The following SIPA1L3 variants were observed in gnomAD, a reference collection of about 807,000 sequenced individuals.
The protein encoded by SIPA1L3 is signal induced proliferation associated 1 like 3, also known as signal-induced proliferation-associated 1-like protein 3.
Under a neutral mutation model 150.1 loss-of-function variants are expected in SIPA1L3, and 59 were observed. The observed-to-expected ratio is 0.39, with a 90% confidence interval of 0.32 to 0.49. SIPA1L3 has a LOEUF of 0.49. SIPA1L3 is among the 20% of genes least tolerant of loss of function. SIPA1L3 has a pLI of 0.86. For missense variants in SIPA1L3, 2,211 were observed against 2,489.5 expected, an observed-to-expected ratio of 0.89 and a Z score of 2.38; for synonymous variants, 1,070 against 1,077.6, an observed-to-expected ratio of 0.99 and a Z score of 0.14.
chr19:38,176,962 A>C (rs950913902), intron 15 of SIPA1L3, among the ~76,000 whole-genome samples: 2 of 150,206 alleles, frequency 1.3e-5, no homozygotes, highest in African/African-American at 4.9e-5. Flanking sequence ...CAAGAGTGAA[A>C]CTCCGTCTCA....
At position 38,137,185 on chromosome 19, in the gene SIPA1L3, T is replaced by TGTG. The variant is rs1345749744; in HGVS notation, c.3144-3997_3144-3996insGGT. On this transcript the variant is annotated intron_variant, in intron 10 of 21. Transcript: ENST00000222345. ...CCATGCTGCATGCTGCCTTCATTTTTGTTGTTGTTGTTGTTGTTTTTGAGA... is the reference window on the plus strand; with the variant it reads ...CCATGCTGCATGCTGCCTTCATTTTTGTGGTTGTTGTTGTTGTTGTTTTTGAGA... 3.9e-5 allele frequency among the ~76,000 whole-genome samples: 6 copies of TGTG among 151,996 alleles called. No individual in the cohort carries two copies. The South Asian group carries it at 1.3e-3, about 32-fold the overall frequency.
chr19:38,022,717 A>G (rs1392907720), intron 1 of SIPA1L3, among the ~76,000 whole-genome samples: 1 of 151,924 alleles, frequency 6.6e-6, no homozygotes, highest in African/African-American at 2.4e-5. Flanking sequence ...CAAGAAAAAA[A>G]TAAATAAATA....
chr19:37,962,611 G>A (rs906746818), intron 1 of SIPA1L3, among the ~76,000 whole-genome samples: 1 of 151,930 alleles, frequency 6.6e-6, no homozygotes, highest in Non-Finnish European at 1.5e-5. Flanking sequence ...TGGGACTATA[G>A]GCATGCAACA....
At chr19:37,919,787 C>T (rs568045121) in intron 1 of SIPA1L3, among the ~76,000 whole-genome samples, 44 of 148,364 alleles carry the variant, frequency 3.0e-4, no homozygotes, top group African/African-American at 1.0e-3. Context: ...CTCAGCTCAC[C>T]GCAACCTCTG....
At chr19:38,055,175 A>G (rs372482655) in intron 2 of SIPA1L3, among the ~76,000 whole-genome samples, 2 of 152,314 alleles carry the variant, frequency 1.3e-5, no homozygotes, top group South Asian at 4.1e-4. Flanking sequence ...TCAAGATTGC[A>G]ATCGGCTACA....
intron 1 of SIPA1L3, among the ~76,000 whole-genome samples, chr19:37,996,308 C>T (rs996619835): frequency 2.0e-5 from 3 of 152,232 alleles, no homozygotes; most frequent in African/African-American, 4.8e-5. Context: ...TCACTGCAGC[C>T]TCGACCTCCT....
chr19:37,944,539 T>C (rs1048175636), intron 1 of SIPA1L3, among the ~76,000 whole-genome samples: 1 of 152,202 alleles, frequency 6.6e-6, no homozygotes, highest in Non-Finnish European at 1.5e-5. Context: ...CCCAACCTCA[T>C]AGGCTTTTAA....
intron 1 of SIPA1L3, among the ~76,000 whole-genome samples, chr19:37,934,620 C>A (rs1423156178): frequency 6.6e-6 from 1 of 152,168 alleles, no homozygotes; most frequent in Non-Finnish European, 1.5e-5. Context: ...GAATTCTTTT[C>A]AAGCCCCTTT....
At chr19:37,917,171 T>C (rs1210266879) in intron 1 of SIPA1L3, among the ~76,000 whole-genome samples, 1 of 152,172 alleles carries the variant, frequency 6.6e-6, no homozygotes, top group Non-Finnish European at 1.5e-5. Context: ...TGACATACAA[T>C]ATGTATTTTA....
rs188638580 is a variant in SIPA1L3 at position 38,057,883 on chromosome 19, C to G, written c.-310-23373C>G. ...TTCACCATGTTAGCCAGGATGGTCT[C>G]GATTTCCTGACCTCGTGATCCACCC... On this transcript the variant is annotated intron_variant, in intron 2 of 21. Coordinates refer to ENST00000222345, the MANE Select transcript of SIPA1L3 (RefSeq NM_015073.3). Among the ~76,000 whole-genome samples, 377 of 152,128 alleles carry G rather than the reference C, an allele frequency of 2.5e-3. 3 individuals are homozygous for G. The highest frequency in any genetic ancestry group is 0.018 in the East Asian group (94 of 5,170).
At chr19:37,950,310 A>C (rs547943860) in intron 1 of SIPA1L3, among the ~76,000 whole-genome samples, 1 of 152,258 alleles carries the variant, frequency 6.6e-6, no homozygotes, top group African/African-American at 2.4e-5. Context: ...TCAAAGTATT[A>C]GTTTTCATCA....
chr19:37,968,723 C>A (rs2046927456), intron 1 of SIPA1L3, among the ~76,000 whole-genome samples: 2 of 152,210 alleles, frequency 1.3e-5, no homozygotes, highest in South Asian at 4.1e-4. Flanking sequence ...TGGTTGTCCT[C>A]TGATAGTTAT....
chr19:38,100,928 G>A (rs529550215), intron 5 of SIPA1L3, 124 bp from the exon 6 acceptor site: 10 of 1,112,474 alleles, frequency 9.0e-6, no homozygotes, highest in Non-Finnish European at 1.2e-5. Flanking sequence ...GTCTGGCTAT[G>A]GCTCTGGGTT....
intron 16 of SIPA1L3, chr19:38,183,097 A>G: frequency 4.3e-6 from 1 of 232,818 alleles, no homozygotes; most frequent in South Asian, 7.8e-5. Context: ...GGTGGCTGGA[A>G]CAGTTTGGGC....
chr19:38,032,681 G>A (rs1000804925), intron 2 of SIPA1L3, among the ~76,000 whole-genome samples: 4 of 151,920 alleles, frequency 2.6e-5, no homozygotes, highest in East Asian at 3.9e-4. Context: ...ACTAAACCCC[G>A]TCTCTACTAA....
At chr19:37,979,386 T>TA (rs1214746680) in intron 1 of SIPA1L3, among the ~76,000 whole-genome samples, 1,767 of 139,660 alleles carry the variant, frequency 0.013, 34 homozygotes, top group African/African-American at 0.041. Context: ...CTATCTCTAC[T>TA]AAAAAAAAAA....
chr19:38,204,260 G>C (rs763217897), intron 21 of SIPA1L3, 52 bp downstream of exon 21: 3 of 1,480,500 alleles, frequency 2.0e-6, no homozygotes, highest in Non-Finnish European at 2.8e-6. Flanking sequence ...CACTGGGCAG[G>C]GCAGTCAGCA....
At chr19:37,926,913 G>A (rs907629565) in intron 1 of SIPA1L3, among the ~76,000 whole-genome samples, 6 of 152,008 alleles carry the variant, frequency 3.9e-5, no homozygotes, top group Admixed American at 3.3e-4. Context: ...TAAGCCTCCC[G>A]ACAACCCTGG....
intron 1 of SIPA1L3, among the ~76,000 whole-genome samples, chr19:37,999,072 CCA>C (rs1967719450): frequency 6.6e-6 from 1 of 151,848 alleles, no homozygotes. Flanking sequence ...ATCCTGCTGC[CCA>C]CAGACAGTTG....
Sources: allele counts gnomAD v4.1 joint callset (sites outside exome capture counted in the v4.1 genomes callset), GRCh38; gene constraint gnomAD v4.1.1; transcripts MANE v1.5; gene names NCBI Gene and HGNC (gene_info 2026-07-23, HGNC 2026-07-21).